The following KIAA1671 variants were observed in gnomAD, a reference collection of about 807,000 sequenced individuals.
KIAA1671 encodes the protein KIAA1671, also known as uncharacterized protein KIAA1671.
In KIAA1671, 52 loss-of-function variants were observed where a neutral mutation model predicts 131.2. That is an observed-to-expected ratio of 0.40 (90% CI 0.32 to 0.50). The LOEUF (loss-of-function observed/expected upper bound fraction) is 0.50. KIAA1671 is among the 20% of genes least tolerant of loss of function. The probability of loss-of-function intolerance (pLI) is 0.73; values close to 1 mark genes in which losing one functional copy is unlikely to be tolerated. For missense variants in KIAA1671, 2,360 were observed against 2,364.2 expected (o/e 1.00, Z 0.04); for synonymous variants, 1,003 against 961.6 (o/e 1.04, Z -0.80).
chr22:25,155,690 CTG>C (rs757136039), intron 6 of KIAA1671, among the ~76,000 whole-genome samples: 7 of 151,666 alleles, frequency 4.6e-5, no homozygotes, highest in African/African-American at 1.7e-4. Flanking sequence ...GTATGCATAT[CTG>C]TGTGTTTATA....
At chr22:25,099,734 C>T (rs1370202687) in intron 6 of KIAA1671, among the ~76,000 whole-genome samples, 3 of 151,856 alleles carry the variant, frequency 2.0e-5, no homozygotes, top group African/African-American at 4.8e-5. Context: ...AGGCTGGTCT[C>T]GAACTCCTGA....
rs1926857346 is a variant in KIAA1671, at chr22:25,040,534, G to A, written c.3404G>A (p.Gly1135Glu). 2 of 1,551,720 alleles carry A rather than the reference G, an allele frequency of 1.3e-6. No individual in the cohort carries two copies. Among genetic ancestry groups the A allele is most frequent in the South Asian group, 2.4e-5 (2 of 84,058 alleles). Residue 1135 changes from glycine (G) to glutamate (E), a missense_variant, in exon 5 of 13, where the codon GGA (glycine) becomes GAA (glutamate). Physicochemically the swap from Gly to Glu is moderately conservative, Grantham distance 98 (BLOSUM62 -2). This residue lies in a region of KIAA1671 where 1,161 missense variants were observed against 1,204.7 expected (regional missense o/e 0.96). Transcript: ENST00000358431. ...GTGGATGCCTTATGGAGTCATCGGG[G>A]ATCAGAAGATGGCCCTCGTCCTCAA... ...IDVDALWSHR[G>E]SEDGPRPQSN... is the part of the protein sequence containing the mutation.
chr22:25,098,977 A>G (rs974025042), intron 6 of KIAA1671, among the ~76,000 whole-genome samples: 1 of 152,120 alleles, frequency 6.6e-6, no homozygotes. Context: ...AGTGGAGACC[A>G]TTCCTCACAG....
rs1030319531 is a variant in KIAA1671, at chr22:25,029,362, G to T, written c.1363G>T (p.Gly455Trp). ...REDSTLALAV[G>W]SESPLATPAS... ...GGACAGCACCTTGGCCTTGGCAGTG[G>T]GGTCTGAATCTCCCCTGGCCACCCC... The change falls in exon 3 of 13, where the codon GGG becomes TGG. Residue 455 changes from glycine to tryptophan, a missense_variant. Gly to Trp is a radical substitution (Grantham distance 184). Transcript: ENST00000358431. 6.4e-7 allele frequency: 1 copy of T among 1,551,200 alleles called. No individual in the cohort carries two copies. Among genetic ancestry groups the T allele is most frequent in the Non-Finnish European group, 8.7e-7 (1 of 1,146,748 alleles).
intron 1 of KIAA1671, among the ~76,000 whole-genome samples, chr22:24,972,372 G>C (rs768101695): frequency 6.6e-6 from 1 of 152,090 alleles, no homozygotes; most frequent in African/African-American, 2.4e-5. Context: ...TCTGTCTACC[G>C]TATAGCTGCT....
intron 9 of KIAA1671, among the ~76,000 whole-genome samples, chr22:25,180,810 G>T (rs1934243016): frequency 6.6e-6 from 1 of 152,192 alleles, no homozygotes; most frequent in Non-Finnish European, 1.5e-5. Flanking sequence ...ATGTTTAAGT[G>T]CCTCAGGTGA....
At position 25,028,119 on chromosome 22, in the gene KIAA1671, T is replaced by C; in HGVS notation, c.120T>C (p.Ser40=). The stretch of plus-strand genomic sequence containing the variant: ...ACTTCCTCCAGGCCGGCGAAGCCTC[T>C]GGGGCTCCCCCAGCCCGGATCTTGG... ...RTYFLQAGEA[S]GAPPARILEA... The change falls in exon 3 of 13, where the codon TCT becomes TCC. Residue 40 remains serine, a synonymous_variant. Coordinates refer to ENST00000358431, the MANE Select transcript of KIAA1671 (RefSeq NM_001145206.2). 1.3e-6 allele frequency: 2 copies of C among 1,551,316 alleles called. No individual in the cohort carries two copies. Among genetic ancestry groups the C allele is most frequent in the Non-Finnish European group, 8.7e-7 (1 of 1,146,824 alleles).
At chr22:25,066,891 A>G (rs1430145171) in intron 6 of KIAA1671, among the ~76,000 whole-genome samples, 2 of 152,172 alleles carry the variant, frequency 1.3e-5, no homozygotes, top group Admixed American at 6.5e-5. Flanking sequence ...GAAAGCATCT[A>G]AGATGTGTGT....
In KIAA1671 at chr22:25,197,153, C is replaced by A. The variant is rs148774444; in HGVS notation, c.*4752C>A. ...CTAGGAGTTCTGAACGGAAGGCAGA[C>A]GAGAGGCACTTTATCCAGTCCCAGA... On this transcript the variant is annotated 3_prime_UTR_variant, in exon 13 of 13. Transcript: ENST00000358431. The A allele has an allele frequency of 6.6e-5, 10 of 152,250 alleles. No individual in the cohort carries two copies. The highest frequency in any genetic ancestry group is 2.4e-4 in the African/African-American group (10 of 41,544). 9.4% of individuals were successfully genotyped at this position (152,250 alleles called of 1,614,324 possible).
chr22:25,045,863 T>C (rs1927195436), intron 5 of KIAA1671, among the ~76,000 whole-genome samples: 1 of 151,860 alleles, frequency 6.6e-6, no homozygotes, highest in East Asian at 2.0e-4. Context: ...ACTGCTAGAA[T>C]TACAGGCGTG....
intron 6 of KIAA1671, among the ~76,000 whole-genome samples, chr22:25,107,198 C>T (rs1401200671): frequency 2.6e-5 from 4 of 152,046 alleles, no homozygotes; most frequent in Admixed American, 2.0e-4. Flanking sequence ...AGATCAAGAC[C>T]ATCCTGGCTA....
rs1341450872 is a variant in KIAA1671, at chr22:25,164,750, C to T, written c.4531-6070C>T. On this transcript the variant is annotated intron_variant, in intron 6 of 12. Coordinates refer to ENST00000358431, the MANE Select transcript of KIAA1671 (RefSeq NM_001145206.2). The stretch of plus-strand genomic sequence containing the variant: ...GGATCATGAGGTCAGGAGTTCAAGA[C>T]CAGCCTGGGCAACATGGTGAAACCC... Among the ~76,000 whole-genome samples, 7 of 152,064 alleles carry T rather than the reference C, an allele frequency of 4.6e-5. 1 individual carries two copies. The highest frequency in any genetic ancestry group is 1.3e-4 in the Admixed American group (2 of 15,266).
chr22:25,076,341 G>C (rs915160461), intron 6 of KIAA1671, among the ~76,000 whole-genome samples: 4 of 152,076 alleles, frequency 2.6e-5, no homozygotes, highest in African/African-American at 7.2e-5. Context: ...CTTAAATCTT[G>C]ATTCACATTT....
rs763012111 is a variant in KIAA1671 at position 25,107,954 on chromosome 22, G to A, written c.4530+58590G>A. On this transcript the variant is annotated intron_variant, in intron 6 of 12. Transcript: ENST00000358431. ...ACCCAGTGGGAAGAGGTTGCAGTGA[G>A]CTGATATCACGCCATTGCACTCCAG... 2.6e-4 allele frequency among the ~76,000 whole-genome samples: 39 copies of A among 152,106 alleles called. 1 individual carries two copies. Among genetic ancestry groups the A allele is most frequent in the Non-Finnish European group, 1.2e-4 (8 of 68,030 alleles).
chr22:25,111,064 G>A (rs11704343), intron 6 of KIAA1671: 21,871 of 152,544 alleles, frequency 0.14, 1,595 homozygotes, highest in South Asian at 0.22. Flanking sequence ...ACAGGGAGAG[G>A]GAGGAGAGCG....
At chr22:25,068,035 T>G (rs1015473065) in intron 6 of KIAA1671, among the ~76,000 whole-genome samples, 1 of 152,284 alleles carries the variant, frequency 6.6e-6, no homozygotes, top group Non-Finnish European at 1.5e-5. Flanking sequence ...GCTGCACTTT[T>G]GTCGGTCAGC....
Position 25,038,746 on chromosome 22 carries a change from T to C in KIAA1671, c.1630-14T>C. 6.6e-7 allele frequency: 1 copy of C among 1,517,600 alleles called. No individual in the cohort carries two copies. Among genetic ancestry groups the C allele is most frequent in the African/African-American group, 1.4e-5 (1 of 71,790 alleles). The allele number at this position is 1,517,600 out of a possible 1,614,324, so 94.0% of individuals were successfully genotyped here. A position where few individuals can be genotyped will look rare whatever the true frequency, so the allele number is the denominator to read the frequency against. ...AACACTGAGGTGTTTCTTTTTCTTT[T>C]TGTTTCTTTCCAGCAAAAGGAGGGG... On this transcript the variant is annotated splice_polypyrimidine_tract_variant and intron_variant, in intron 4 of 12. Coordinates refer to ENST00000358431, the MANE Select transcript of KIAA1671 (RefSeq NM_001145206.2).
intron 6 of KIAA1671, among the ~76,000 whole-genome samples, chr22:25,152,901 C>T (rs533156400): frequency 5.3e-5 from 8 of 152,148 alleles, no homozygotes; most frequent in Non-Finnish European, 8.8e-5. Flanking sequence ...CACCATGCCT[C>T]GCCTAATTTT....
At chr22:25,159,081 G>A (rs1304639710) in intron 6 of KIAA1671, among the ~76,000 whole-genome samples, 1 of 152,092 alleles carries the variant, frequency 6.6e-6, no homozygotes, top group Non-Finnish European at 1.5e-5. Flanking sequence ...GGGTCTAGGG[G>A]AACCCTGCCT....
Sources: allele counts gnomAD v4.1 joint callset (sites outside exome capture counted in the v4.1 genomes callset), GRCh38; gene constraint gnomAD v4.1.1; regional missense constraint gnomAD v4.1.1; transcripts MANE v1.5; gene names NCBI Gene and HGNC (gene_info 2026-07-23, HGNC 2026-07-21).